The following ATP9B variants were observed in gnomAD, a reference collection of about 807,000 sequenced individuals.
ATP9B encodes the protein probable phospholipid-transporting ATPase IIB.
A neutral mutation model predicts 146.1 loss-of-function variants in ATP9B; 110 were observed. The observed-to-expected ratio is 0.75, with a 90% CI of 0.65 to 0.88. The LOEUF (loss-of-function observed/expected upper bound fraction) is 0.88, where lower values mean the gene tolerates loss of function less well. Among genes scored for constraint, ATP9B ranks in the 40% least tolerant of loss-of-function variants. The pLI is 0.00. For synonymous variants in ATP9B, 604 were observed against 569.7 expected (o/e 1.06, Z -0.86); for missense variants, 1,499 against 1,496.4 (o/e 1.00, Z -0.03).
intron 15 of ATP9B, among the ~76,000 whole-genome samples, chr18:79,319,105 G>A (rs901841324): frequency 6.6e-6 from 1 of 152,176 alleles, no homozygotes; most frequent in Admixed American, 6.5e-5. Flanking sequence ...CTTCACTGGA[G>A]GGTCTTGGAT....
At chr18:79,243,520 G>A (rs1028305018) in intron 11 of ATP9B, among the ~76,000 whole-genome samples, 2 of 152,166 alleles carry the variant, frequency 1.3e-5, no homozygotes, top group Non-Finnish European at 2.9e-5. Context: ...TACACAATAA[G>A]CCAAGAAACA....
intron 12 of ATP9B, among the ~76,000 whole-genome samples, chr18:79,273,405 G>A (rs367806018): frequency 6.6e-6 from 1 of 152,230 alleles, no homozygotes; most frequent in Non-Finnish European, 1.5e-5. Context: ...AGTGACAAAT[G>A]CTGGGAAAAA....
intron 13 of ATP9B, among the ~76,000 whole-genome samples, chr18:79,297,059 A>AAGACAGAGAGATGACCCAGAGAGG (rs1568606999): frequency 6.0e-5 from 8 of 132,984 alleles, no homozygotes; most frequent in African/African-American, 2.2e-4. Context: ...ACCCAGAGAG[A>AAGACAGAGAGATGACCCAGAGAGG]AGACAGAGAG....
intron 13 of ATP9B, among the ~76,000 whole-genome samples, chr18:79,301,324 T>TCTA (rs1393399554): frequency 6.6e-6 from 1 of 152,148 alleles, no homozygotes; most frequent in Non-Finnish European, 1.5e-5. Context: ...AAACCCTGGC[T>TCTA]CTACTAAAAA....
intron 16 of ATP9B, 56 bp from the exon 17 acceptor site, chr18:79,329,956 T>C: frequency 6.8e-7 from 1 of 1,480,538 alleles, no homozygotes; most frequent in South Asian, 1.1e-5. Flanking sequence ...CTAGCAGTTA[T>C]TTGCCCCGAG....
chr18:79,232,920 C>T (rs1381293157), intron 11 of ATP9B, among the ~76,000 whole-genome samples: 2 of 152,062 alleles, frequency 1.3e-5, no homozygotes, highest in Non-Finnish European at 2.9e-5. Context: ...GAAAAGTTCC[C>T]AAACTAAGAA....
At chr18:79,209,603 G>A (rs989380662) in intron 10 of ATP9B, 63 of 969,132 alleles carry the variant, frequency 6.5e-5, no homozygotes, top group Middle Eastern at 5.3e-4. Context: ...ATGAGGCATC[G>A]TAACATGCCG....
chr18:79,180,981 T>TG (rs1165763052), intron 8 of ATP9B, among the ~76,000 whole-genome samples: 8 of 151,600 alleles, frequency 5.3e-5, no homozygotes, highest in Non-Finnish European at 1.0e-4. Context: ...TTTTGTTTTT[T>TG]TTTTTTTTAA....
chr18:79,149,176 CTA>C (rs1320016559), intron 6 of ATP9B, among the ~76,000 whole-genome samples: 1 of 152,086 alleles, frequency 6.6e-6, no homozygotes, highest in East Asian at 1.9e-4. Context: ...TCATCTTACT[CTA>C]AAACTAATTC....
Position 79,286,985 on chromosome 18 carries a change from A to G in ATP9B, c.1411+9789A>G, listed in dbSNP as rs558459516. Among the ~76,000 whole-genome samples the G allele has an allele frequency of 1.6e-4, 25 of 152,284 alleles. 1 individual carries two copies. In the South Asian group the frequency reaches 5.0e-3, roughly 30 times the overall value. On this transcript the variant is annotated intron_variant, in intron 13 of 29. Coordinates refer to ENST00000426216, the MANE Select transcript of ATP9B (RefSeq NM_198531.5). ...GGTAAAGCCCACTTGATCATGGTGGATAAGCTTTTTGATGTGCTGCTGGAT... is the reference window on the plus strand; with the variant it reads ...GGTAAAGCCCACTTGATCATGGTGGGTAAGCTTTTTGATGTGCTGCTGGAT...
chr18:79,375,720 G>T, intron 29 of ATP9B: 1 of 985,350 alleles, frequency 1.0e-6, no homozygotes, highest in Non-Finnish European at 1.2e-6. Flanking sequence ...TCAGTTGTAG[G>T]GGCTGAGCTG....
intron 6 of ATP9B, 173 bp downstream of exon 6, chr18:79,144,033 T>G (rs991372374): frequency 2.2e-6 from 1 of 453,628 alleles, no homozygotes; most frequent in Non-Finnish European, 3.8e-6. Context: ...TATATTGTTT[T>G]GCTAAAGTAT....
intron 11 of ATP9B, among the ~76,000 whole-genome samples, chr18:79,237,699 TG>T (rs2095855260): frequency 1.8e-5 from 2 of 108,318 alleles, no homozygotes; most frequent in African/African-American, 7.7e-5. Flanking sequence ...TGGGGGGGGG[TG>T]GGGGAAGACA....
At chr18:79,292,409 A>G (rs1399096570) in intron 13 of ATP9B, among the ~76,000 whole-genome samples, 1 of 152,224 alleles carries the variant, frequency 6.6e-6, no homozygotes, top group Non-Finnish European at 1.5e-5. Flanking sequence ...TATGCTAACA[A>G]CGAACCATCC....
chr18:79,347,283 C>T lies in ATP9B; in HGVS notation c.2683-487C>T, dbSNP rs572749379. 2.6e-5 allele frequency among the ~76,000 whole-genome samples: 4 copies of T among 152,332 alleles called. No homozygotes were observed. In the South Asian group the frequency reaches 8.3e-4, roughly 32 times the overall value. On this transcript the variant is annotated intron_variant, in intron 23 of 29. Coordinates refer to ENST00000426216, the MANE Select transcript of ATP9B (RefSeq NM_198531.5). ...CAAGCAAGCGTGGCTTTTTCCTTGGCTACTTCATTTTGTAATGCCTTACAA... is the reference window on the plus strand; with the variant it reads ...CAAGCAAGCGTGGCTTTTTCCTTGGTTACTTCATTTTGTAATGCCTTACAA...
intron 15 of ATP9B, among the ~76,000 whole-genome samples, chr18:79,307,989 C>T (rs967635592): frequency 2.0e-5 from 3 of 151,954 alleles, no homozygotes; most frequent in Admixed American, 1.3e-4. Context: ...GGGGGCAGGG[C>T]GTACCTTCAG....
At chr18:79,375,995 G>A (rs979155107) in intron 29 of ATP9B, 21 of 985,146 alleles carry the variant, frequency 2.1e-5, no homozygotes, top group Non-Finnish European at 2.3e-5. Context: ...GCTTGGTCCT[G>A]GTGAGTAGAT....
At chr18:79,245,079 C>T (rs1331817198) in intron 11 of ATP9B, among the ~76,000 whole-genome samples, 16 of 152,210 alleles carry the variant, frequency 1.1e-4, no homozygotes. Flanking sequence ...TCCCACCCCC[C>T]ACTGTCAGGA....
At chr18:79,109,939 T>G (rs2146971252) in intron 2 of ATP9B, among the ~76,000 whole-genome samples, 1 of 152,348 alleles carries the variant, frequency 6.6e-6, no homozygotes, top group East Asian at 1.9e-4. Flanking sequence ...AAAAAGTGAT[T>G]ATTACTTCAG....
Sources: gnomAD v4.1 joint callset for allele counts (sites outside exome capture counted in the v4.1 genomes callset) on GRCh38, gnomAD v4.1.1 for gene constraint, MANE v1.5 for transcripts, NCBI Gene and HGNC (gene_info 2026-07-23, HGNC 2026-07-21) for gene names.